RALGAPB: variants seen among roughly 807,000 people sequenced by gnomAD.
RALGAPB encodes the protein Ral GTPase activating protein non-catalytic subunit beta.
Under a neutral mutation model 161.1 loss-of-function variants are expected in RALGAPB, and 25 were observed. That is an observed-to-expected ratio of 0.16 (90% CI 0.11 to 0.22). RALGAPB has a LOEUF of 0.22. RALGAPB is among the 10% of genes least tolerant of loss of function. RALGAPB has a pLI of 1.00. For missense variants in RALGAPB, 1,391 were observed against 1,815.2 expected, an observed-to-expected ratio of 0.77 and a Z score of 4.25; for synonymous variants, 629 against 626.1, an observed-to-expected ratio of 1.00 and a Z score of -0.07.
At chr20:38,536,725 C>T (rs2086818703) in intron 16 of RALGAPB, among the ~76,000 whole-genome samples, 1 of 152,096 alleles carries the variant, frequency 6.6e-6, no homozygotes, top group East Asian at 1.9e-4. Context: ...AGCCGATAAC[C>T]AGGTGCTACT....
intron 6 of RALGAPB, among the ~76,000 whole-genome samples, chr20:38,511,604 C>T (rs1251796458): frequency 6.6e-6 from 1 of 152,234 alleles, no homozygotes; most frequent in East Asian, 1.9e-4. Flanking sequence ...ATCCATTTAA[C>T]CCTGAGTTGA....
chr20:38,559,875 A>C (rs182202440), intron 23 of RALGAPB, among the ~76,000 whole-genome samples: 58 of 152,338 alleles, frequency 3.8e-4, no homozygotes, highest in South Asian at 1.0e-3. Context: ...GCAGGAAGTT[A>C]CTGACTGTAA....
chr20:38,546,498 C>G, intron 19 of RALGAPB, 68 bp downstream of exon 19: 1 of 1,589,044 alleles, frequency 6.3e-7, no homozygotes, highest in South Asian at 1.1e-5. Flanking sequence ...GAAGCTGTTT[C>G]CAGGATCAGG....
intron 27 of RALGAPB, among the ~76,000 whole-genome samples, chr20:38,570,525 A>G (rs1278542659): frequency 6.6e-6 from 1 of 152,214 alleles, no homozygotes; most frequent in Non-Finnish European, 1.5e-5. Context: ...TTACTTTTCA[A>G]CCAAGCCCTC....
At chr20:38,557,811 T>G (rs977224522) in intron 22 of RALGAPB, among the ~76,000 whole-genome samples, 1 of 152,246 alleles carries the variant, frequency 6.6e-6, no homozygotes, top group Non-Finnish European at 1.5e-5. Flanking sequence ...TGCTTCCACG[T>G]TTTGGTTATT....
chr20:38,512,405 C>T (rs1421349528), intron 6 of RALGAPB, among the ~76,000 whole-genome samples: 1 of 152,174 alleles, frequency 6.6e-6, no homozygotes. Flanking sequence ...TGAACTTGAG[C>T]AATTTATTCT....
Position 38,567,219 on chromosome 20 carries a change from A to T in RALGAPB, c.3941A>T (p.Asn1314Ile). The T allele has an allele frequency of 8.7e-6, 14 of 1,613,250 alleles. No individual in the cohort carries two copies. Among genetic ancestry groups the T allele is most frequent in the Non-Finnish European group, 1.1e-5 (13 of 1,179,510 alleles). The change falls in exon 26 of 30, where the codon AAT becomes ATT. Residue 1314 changes from asparagine to isoleucine, a missense_variant. This residue lies in a region of RALGAPB where 436 missense variants were observed against 527.0 expected (regional missense o/e 0.83). Transcript: ENST00000262879. The part of the protein sequence containing the change: ...ELFPNHTDNL[N>I]SSQRLSPSSR... ...TTCCCCAATCATACAGACAATCTTA[A>T]TTCCTCACAGAGGGTAAGTTACTTT...
At chr20:38,503,874 G>A (rs1245517906) in intron 5 of RALGAPB, among the ~76,000 whole-genome samples, 1 of 152,128 alleles carries the variant, frequency 6.6e-6, no homozygotes, top group Non-Finnish European at 1.5e-5. Context: ...TTCCTGATCA[G>A]TCTGCAGCCA....
At chr20:38,569,852 T>G (rs769567333) in intron 26 of RALGAPB, 36 bp from the exon 27 acceptor site, 4 of 1,556,370 alleles carry the variant, frequency 2.6e-6, no homozygotes, top group Non-Finnish European at 3.5e-6. Context: ...GTTGCTGTTG[T>G]TTTTCCCGCT....
At chr20:38,493,436 A>T (rs1215672487) in intron 3 of RALGAPB, among the ~76,000 whole-genome samples, 1 of 152,240 alleles carries the variant, frequency 6.6e-6, no homozygotes, top group Non-Finnish European at 1.5e-5. Flanking sequence ...TTTGCCTATC[A>T]CAATTCTTGT....
At chr20:38,507,985 AGTT>A (rs1398433433) in intron 5 of RALGAPB, among the ~76,000 whole-genome samples, 2 of 152,002 alleles carry the variant, frequency 1.3e-5, no homozygotes, top group Admixed American at 6.6e-5. Flanking sequence ...TAAGTAATTA[AGTT>A]GTTGAGTTAT....
intron 19 of RALGAPB, 67 bp downstream of exon 19, chr20:38,546,497 T>C: frequency 6.3e-7 from 1 of 1,591,338 alleles, no homozygotes; most frequent in Non-Finnish European, 8.6e-7. Flanking sequence ...TGAAGCTGTT[T>C]CCAGGATCAG....
chr20:38,502,830 C>G (rs1429445239), intron 5 of RALGAPB, among the ~76,000 whole-genome samples: 2 of 152,172 alleles, frequency 1.3e-5, no homozygotes, highest in Admixed American at 6.6e-5. Flanking sequence ...GTCTCTAACT[C>G]CAGGCCTCAT....
At chr20:38,560,102 GA>G (rs1671095577) in intron 23 of RALGAPB, among the ~76,000 whole-genome samples, 5 of 143,660 alleles carry the variant, frequency 3.5e-5, no homozygotes, top group African/African-American at 1.2e-4. Flanking sequence ...TGATTTATGA[GA>G]AAGTTTTTTT....
chr20:38,484,386 A>T (rs1451549927), intron 1 of RALGAPB, among the ~76,000 whole-genome samples: 1 of 152,202 alleles, frequency 6.6e-6, no homozygotes, highest in Non-Finnish European at 1.5e-5. Flanking sequence ...CTTCTGGGGC[A>T]CCAACAGCTT....
At chr20:38,545,813 T>C (rs1240591961) in intron 18 of RALGAPB, among the ~76,000 whole-genome samples, 3 of 152,084 alleles carry the variant, frequency 2.0e-5, no homozygotes, top group African/African-American at 4.8e-5. Flanking sequence ...TGAGAAAATA[T>C]GGCTTTGGTT....
At chr20:38,519,826 A>G (rs752770967) in intron 9 of RALGAPB, among the ~76,000 whole-genome samples, 27 of 152,242 alleles carry the variant, frequency 1.8e-4, no homozygotes, top group Non-Finnish European at 3.1e-4. Context: ...ACTGGCTGCC[A>G]TCAAGGAATT....
chr20:38,523,647 G>A (rs2086363790), intron 10 of RALGAPB, among the ~76,000 whole-genome samples: 1 of 152,142 alleles, frequency 6.6e-6, no homozygotes. Flanking sequence ...GTAAGCTTTT[G>A]GGTAATAGAT....
intron 10 of RALGAPB, among the ~76,000 whole-genome samples, chr20:38,523,890 A>G (rs2086373756): frequency 6.6e-6 from 1 of 152,200 alleles, no homozygotes; most frequent in Admixed American, 6.5e-5. Context: ...AATGCTTTCA[A>G]AAGGCAGAAT....
Sources: allele counts gnomAD v4.1 joint callset (sites outside exome capture counted in the v4.1 genomes callset), GRCh38; gene constraint gnomAD v4.1.1; regional missense constraint gnomAD v4.1.1; transcripts MANE v1.5; gene names NCBI Gene and HGNC (gene_info 2026-07-23, HGNC 2026-07-21).